ASB14: variants seen among roughly 807,000 people sequenced by gnomAD.
ASB14 encodes ankyrin repeat and SOCS box containing 14.
In ASB14, 63 loss-of-function variants were observed where a neutral mutation model predicts 55.6. The observed-to-expected ratio is 1.13, with a 90% CI of 0.92 to 1.40. ASB14 has a LOEUF of 1.40. ASB14 is among the 40% of genes most tolerant of loss of function. The pLI is 0.00. For missense variants in ASB14, 724 were observed against 710.4 expected (o/e 1.02, Z -0.22); for synonymous variants, 256 against 259.9 (o/e 0.98, Z 0.15).
rs188692941 is a variant in ASB14 at position 57,288,867 on chromosome 3, A to C, written c.178+201T>G. ...GTAGCTGGGATTACAGGCGCCCGCC[A>C]CCATGCCCGGCTAATTTTTTGCATT... is the stretch of plus-strand genomic sequence containing the variant. On this transcript the variant is annotated intron_variant, in intron 3 of 10. Transcript: ENST00000487349. 1.6e-3 allele frequency: 659 copies of C among 423,016 alleles called. 1 individual carries two copies. Among genetic ancestry groups the C allele is most frequent in the Non-Finnish European group, 2.3e-3 (553 of 235,628 alleles). The allele number at this position is 423,016 out of a possible 1,614,324, so 26.2% of individuals were successfully genotyped here.
intron 10 of ASB14, chr3:57,272,623 A>G (rs1276156028): frequency 6.6e-6 from 1 of 152,162 alleles, no homozygotes; most frequent in Non-Finnish European, 1.5e-5. Context: ...TTTTTGAGAC[A>G]GAGTCTTGCT....
chr3:57,273,805 A>G (rs895729702), intron 10 of ASB14, among the ~76,000 whole-genome samples: 1 of 152,224 alleles, frequency 6.6e-6, no homozygotes, highest in Non-Finnish European at 1.5e-5. Flanking sequence ...TGTAATTTCA[A>G]TACTAATGCA....
At chr3:57,276,019 G>T (rs1407742409) in intron 10 of ASB14, among the ~76,000 whole-genome samples, 1 of 152,070 alleles carries the variant, frequency 6.6e-6, no homozygotes, top group Non-Finnish European at 1.5e-5. Context: ...TCCACTGAGG[G>T]TCTTGGAACG....
intron 5 of ASB14, among the ~76,000 whole-genome samples, chr3:57,286,549 A>G (rs959621882): frequency 8.5e-5 from 13 of 152,168 alleles, no homozygotes; most frequent in Admixed American, 4.6e-4. Context: ...TCGCTATTCA[A>G]TCACTAATTA....
intron 5 of ASB14, 39 bp downstream of exon 5, chr3:57,287,862 A>G (rs568819257): frequency 4.3e-5 from 66 of 1,525,322 alleles, no homozygotes; most frequent in Non-Finnish European, 5.7e-5. Flanking sequence ...AAGGAGACTC[A>G]GTGCCACAGA....
intron 5 of ASB14, 85 bp downstream of exon 5, chr3:57,287,816 A>G (rs1408195786): frequency 3.7e-6 from 5 of 1,358,762 alleles, no homozygotes; most frequent in Non-Finnish European, 5.0e-6. Context: ...TGCTGCAACT[A>G]TGCATAAAAA....
At chr3:57,288,322 G>A in intron 3 of ASB14, 36 bp from the exon 4 acceptor site, 1 of 1,533,678 alleles carries the variant, frequency 6.5e-7, no homozygotes, top group South Asian at 1.2e-5. Flanking sequence ...ATTCACATTT[G>A]GCACACTTAC....
chr3:57,268,366 TAATTC>T lies in ASB14; in HGVS notation c.*1270_*1274del. ...CTAAAATTTAAAGTTATTTCATATT[TAATTC>T]ATTAGTTTTATTCATCTGTTCTTTA... is the stretch of plus-strand genomic sequence containing the variant. On this transcript the variant is annotated 3_prime_UTR_variant, in exon 11 of 11. Transcript: ENST00000487349. The T allele has an allele frequency of 6.7e-7, 1 of 1,486,916 alleles. No homozygotes were observed. Among genetic ancestry groups the T allele is most frequent in the Non-Finnish European group, 9.1e-7 (1 of 1,096,474 alleles). The allele number at this position is 1,486,916 out of a possible 1,614,324, so 92.1% of individuals were successfully genotyped here.
In ASB14 at chr3:57,276,441, T is replaced by C. The variant is rs2060987319; in HGVS notation, c.*22+87A>G. 1.6e-5 allele frequency: 15 copies of C among 954,784 alleles called. No homozygotes were observed. In the South Asian group the frequency reaches 2.1e-4, roughly 14 times the overall value. The allele number at this position is 954,784 out of a possible 1,614,324, so 59.1% of individuals were successfully genotyped here. On this transcript the variant is annotated intron_variant, in intron 10 of 10. Transcript: ENST00000487349. ...GAGCTACTTTTTAAAGGACTTAGAC[T>C]GCATTGAGATTTTAGTTGGTGGGTA...
chr3:57,284,338 C>T (rs2061063658), intron 5 of ASB14, among the ~76,000 whole-genome samples: 1 of 152,108 alleles, frequency 6.6e-6, no homozygotes, highest in Admixed American at 6.6e-5. Flanking sequence ...GTATGTTGCC[C>T]AGGCTGGTCT....
rs552557709 is a variant in ASB14, at chr3:57,292,403, A to C, written c.-72+230T>G. Among the ~76,000 whole-genome samples, 4 of 152,248 alleles carry C rather than the reference A, an allele frequency of 2.6e-5. No individual in the cohort carries two copies. The East Asian group carries it at 7.7e-4, about 29-fold the overall frequency. ...GTCTTTCACAGTGATTGTAGCACTC[A>C]TCCAAAATAATATCTTTCCTACACA... On this transcript the variant is annotated intron_variant, in intron 1 of 10. Coordinates refer to ENST00000487349, the MANE Select transcript of ASB14 (RefSeq NM_001142733.3).
At chr3:57,272,984 A>AAAGC (rs994618411) in intron 10 of ASB14, 1 of 152,632 alleles carries the variant, frequency 6.6e-6, no homozygotes, top group Non-Finnish European at 1.5e-5. Context: ...CCAATTGTAG[A>AAAGC]AAGCAACCCT....
At chr3:57,281,917 A>T (rs78287803) in intron 6 of ASB14, among the ~76,000 whole-genome samples, 2,127 of 152,302 alleles carry the variant, frequency 0.014, 34 homozygotes, top group African/African-American at 0.049. Flanking sequence ...CACTTGGTGC[A>T]AATTACTTTG....
At chr3:57,282,671 G>A (rs2061049063) in intron 6 of ASB14, among the ~76,000 whole-genome samples, 1 of 152,204 alleles carries the variant, frequency 6.6e-6, no homozygotes, top group Non-Finnish European at 1.5e-5. Context: ...AACATGGGTA[G>A]TTTAATGCTT....
Position 57,288,260 on chromosome 3 carries a change from T to C in ASB14, c.205A>G (p.Thr69Ala). The part of the protein sequence containing the change: ...KGKEDALSHL[T>A]KYHSAFGEAD... ...TCACCAAATGCGGAATGGTACTTGGTTAAGTGTGACAATGCATCTTCCTTA... is the reference window on the plus strand; with the variant it reads ...TCACCAAATGCGGAATGGTACTTGGCTAAGTGTGACAATGCATCTTCCTTA... Residue 69 changes from threonine to alanine, a missense_variant, in exon 4 of 11, where the codon ACC (threonine) becomes GCC (alanine). Transcript: ENST00000487349. 1.3e-6 allele frequency: 2 copies of C among 1,537,200 alleles called. No homozygotes were observed. The highest frequency in any genetic ancestry group is 1.7e-6 in the Non-Finnish European group (2 of 1,146,686).
chr3:57,270,182 A>G (rs933549231), intron 10 of ASB14: 6 of 152,756 alleles, frequency 3.9e-5, no homozygotes, highest in Non-Finnish European at 5.9e-5. Flanking sequence ...TAAATGTGCA[A>G]TAGAACTTTT....
rs563520492 is a variant in ASB14 at position 57,268,671 on chromosome 3, A to C, written c.*970T>G. 1 of 481,148 alleles carries C rather than the reference A, an allele frequency of 2.1e-6. No homozygotes were observed. The highest frequency in any genetic ancestry group is 3.3e-6 in the Non-Finnish European group (1 of 301,150). The allele number at this position is 481,148 out of a possible 1,614,324, so 29.8% of individuals were successfully genotyped here. On this transcript the variant is annotated 3_prime_UTR_variant, in exon 11 of 11. Transcript: ENST00000487349. ...TGTTTTTTGATATGATGTTTACATT[A>C]TAGTTACGTTGACATGTAATATGAC...
rs1306887600 is a variant in ASB14, at chr3:57,291,932, T to C, written c.102A>G (p.Gln34=). Residue 34 remains glutamine (Q), a synonymous_variant, in exon 2 of 11, where the codon CAA becomes CAG. Transcript: ENST00000487349. ...ATTACCTCTCATCCTTAGGTGCATG[T>C]TGTGCTGTTCCTGGCTTATAAATAT... is the stretch of plus-strand genomic sequence containing the variant. ...LQDIYKPGTA[Q]HAPKDESLHS... The C allele has an allele frequency of 4.6e-6, 7 of 1,536,386 alleles. No individual in the cohort carries two copies. The East Asian group carries it at 1.7e-4, about 38-fold the overall frequency.
chr3:57,269,788 G>T, intron 10 of ASB14, 170 bp from the exon 11 acceptor site: 2 of 1,318,124 alleles, frequency 1.5e-6, no homozygotes, highest in Non-Finnish European at 2.1e-6. Flanking sequence ...AGGAGATTAA[G>T]CTTTATATTT....
Sources: gnomAD v4.1 joint callset for allele counts (sites outside exome capture counted in the v4.1 genomes callset) on GRCh38, gnomAD v4.1.1 for gene constraint, MANE v1.5 for transcripts, NCBI Gene and HGNC (gene_info 2026-07-23, HGNC 2026-07-21) for gene names.